CADPS2: variants seen among roughly 807,000 people sequenced by gnomAD.
The protein encoded by CADPS2 is calcium dependent secretion activator 2.
In CADPS2, 93 loss-of-function variants were observed where a neutral mutation model predicts 172.5. The observed-to-expected ratio is 0.54, with a 90% CI of 0.46 to 0.64. The LOEUF is 0.64. CADPS2 is among the 30% of genes least tolerant of loss of function. CADPS2 has a pLI of 0.00. For synonymous variants in CADPS2, 546 were observed against 555.2 expected (o/e 0.98, Z 0.23); for missense variants, 1,420 against 1,565.9 (o/e 0.91, Z 1.57).
At chr7:122,502,889 TTTA>T (rs1563528633) in intron 9 of CADPS2, among the ~76,000 whole-genome samples, 1 of 152,070 alleles carries the variant, frequency 6.6e-6, no homozygotes, top group Non-Finnish European at 1.5e-5. Context: ...ATAGAAACTT[TTTA>T]TTAAGTCCAA....
chr7:122,441,102 T>C (rs753307303), intron 16 of CADPS2, among the ~76,000 whole-genome samples: 31 of 152,068 alleles, frequency 2.0e-4, no homozygotes, highest in Non-Finnish European at 4.1e-4. Flanking sequence ...GATATATTTG[T>C]GAATGGTAAA....
chr7:122,383,292 G>A (rs928086814), intron 24 of CADPS2, among the ~76,000 whole-genome samples: 2 of 151,868 alleles, frequency 1.3e-5, no homozygotes, highest in African/African-American at 2.4e-5. Context: ...GAGAACACAC[G>A]GACATAAACA....
At chr7:122,440,910 A>C (rs1401577071) in intron 16 of CADPS2, among the ~76,000 whole-genome samples, 2 of 152,192 alleles carry the variant, frequency 1.3e-5, no homozygotes, top group South Asian at 2.1e-4. Flanking sequence ...CAGTTGTCAT[A>C]AAAATAGGAA....
In CADPS2 at chr7:122,734,356, T is replaced by TAAAAAAAAAAAAAAAAAAAAAA. The variant is rs558421546; in HGVS notation, c.453+2577_453+2598dup. Among the ~76,000 whole-genome samples, 40 of 46,274 alleles carry TAAAAAAAAAAAAAAAAAAAAAA rather than the reference T, an allele frequency of 8.6e-4. 5 individuals carry two copies. Among genetic ancestry groups the TAAAAAAAAAAAAAAAAAAAAAA allele is most frequent in the East Asian group, 3.1e-3 (3 of 970 alleles). 30.4% of individuals were successfully genotyped at this position (46,274 alleles called of 152,430 possible). On this transcript the variant is annotated intron_variant, in intron 2 of 29. Coordinates refer to ENST00000449022, the MANE Select transcript of CADPS2 (RefSeq NM_017954.11). ...AATAACGATAGCATGCCAGAAATAG[T>TAAAAAAAAAAAAAAAAAAAAAA]AAAAAAAAAAAAAAAAAAAAAAAAA...
chr7:122,584,421 T>C (rs2069330004), intron 6 of CADPS2, among the ~76,000 whole-genome samples: 1 of 152,002 alleles, frequency 6.6e-6, no homozygotes. Flanking sequence ...TGAATCCTTA[T>C]AGCATCTGTT....
At chr7:122,409,069 A>C (rs1308200696) in intron 19 of CADPS2, among the ~76,000 whole-genome samples, 2 of 152,214 alleles carry the variant, frequency 1.3e-5, no homozygotes, top group Non-Finnish European at 2.9e-5. Context: ...ATGAAAATTG[A>C]GCATACTGTT....
At chr7:122,634,264 T>A (rs2076846653) in intron 3 of CADPS2, among the ~76,000 whole-genome samples, 1 of 152,192 alleles carries the variant, frequency 6.6e-6, no homozygotes, top group Admixed American at 6.6e-5. Flanking sequence ...TCTGGTAGAA[T>A]TCAGCTATAA....
At chr7:122,780,261 T>C (rs1792334068) in intron 1 of CADPS2, among the ~76,000 whole-genome samples, 1 of 152,096 alleles carries the variant, frequency 6.6e-6, no homozygotes, top group Non-Finnish European at 1.5e-5. Flanking sequence ...TTACTGAACT[T>C]CTGTATACTG....
chr7:122,404,357 T>TACAC (rs2046361881), intron 20 of CADPS2, among the ~76,000 whole-genome samples: 2 of 152,190 alleles, frequency 1.3e-5, no homozygotes, highest in Admixed American at 1.3e-4. Flanking sequence ...TATTCCATGG[T>TACAC]GTATATGGGC....
rs1027484126 is a variant in CADPS2 at position 122,672,823 on chromosome 7, A to G, written c.454-9254T>C. On this transcript the variant is annotated intron_variant, in intron 2 of 29. Transcript: ENST00000449022. The stretch of plus-strand genomic sequence containing the variant: ...AGTAACCTCACGTCGGAAAACTATG[A>G]CATACCACTGTGTCCGGAATTGGTG... Among the ~76,000 whole-genome samples the G allele has an allele frequency of 9.8e-5, 15 of 152,314 alleles. No individual in the cohort carries two copies. In the East Asian group the frequency reaches 2.5e-3, roughly 26 times the overall value.
chr7:122,524,052 G>A (rs2061016005), intron 8 of CADPS2, among the ~76,000 whole-genome samples: 1 of 152,102 alleles, frequency 6.6e-6, no homozygotes, highest in African/African-American at 2.4e-5. Flanking sequence ...CAATTAAAAG[G>A]AAATGATTTA....
At chr7:122,709,787 C>G (rs2088365802) in intron 2 of CADPS2, among the ~76,000 whole-genome samples, 1 of 152,024 alleles carries the variant, frequency 6.6e-6, no homozygotes, top group Non-Finnish European at 1.5e-5. Context: ...AATCATCATT[C>G]TCAGTAAACT....
chr7:122,389,307 TG>T (rs1472410142), intron 22 of CADPS2, among the ~76,000 whole-genome samples: 1 of 152,070 alleles, frequency 6.6e-6, no homozygotes, highest in African/African-American at 2.4e-5. Context: ...TTGCTTTTTC[TG>T]GCTTATTAAA....
intron 29 of CADPS2, among the ~76,000 whole-genome samples, chr7:122,321,477 TTTTTC>T (rs1364001739): frequency 3.9e-5 from 6 of 151,970 alleles, no homozygotes; most frequent in East Asian, 1.9e-4. Flanking sequence ...CATGTTTACT[TTTTTC>T]TTTTCTTTTT....
chr7:122,872,326 G>T (rs941465507), intron 1 of CADPS2, among the ~76,000 whole-genome samples: 5 of 151,952 alleles, frequency 3.3e-5, no homozygotes, highest in African/African-American at 9.7e-5. Flanking sequence ...GAACATTTTG[G>T]CCTCCCTCTC....
At chr7:122,868,002 T>C (rs1818744385) in intron 1 of CADPS2, among the ~76,000 whole-genome samples, 2 of 152,092 alleles carry the variant, frequency 1.3e-5, no homozygotes, top group Non-Finnish European at 2.9e-5. Context: ...TAGAAATCTC[T>C]TCCTGCTAGA....
intron 1 of CADPS2, among the ~76,000 whole-genome samples, chr7:122,794,452 A>G (rs1037204332): frequency 1.1e-4 from 16 of 152,014 alleles, no homozygotes; most frequent in Non-Finnish European, 5.9e-5. Context: ...AGCTCTATCA[A>G]GTTGTTTACA....
At chr7:122,377,458 A>AT (rs1292877913) in intron 25 of CADPS2, among the ~76,000 whole-genome samples, 4 of 152,134 alleles carry the variant, frequency 2.6e-5, no homozygotes, top group African/African-American at 9.7e-5. Context: ...TAAACCTTAT[A>AT]TCATCTATAG....
At chr7:122,661,902 G>T (rs1277009976) in intron 3 of CADPS2, among the ~76,000 whole-genome samples, 1 of 152,134 alleles carries the variant, frequency 6.6e-6, no homozygotes, top group Non-Finnish European at 1.5e-5. Flanking sequence ...AGTTCCAGTT[G>T]AAGTTATCTT....
Sources: allele counts gnomAD v4.1 joint callset (sites outside exome capture counted in the v4.1 genomes callset), GRCh38; gene constraint gnomAD v4.1.1; transcripts MANE v1.5; gene names NCBI Gene and HGNC (gene_info 2026-07-23, HGNC 2026-07-21).